Variants in MIR2052HG observed in about 807,000 individuals in gnomAD.
MIR2052HG encodes MIR2052 host gene.
chr8:74,714,783 C>T (rs1462506661), intron 4 of MIR2052HG, among the ~76,000 whole-genome samples: 1 of 149,298 alleles, frequency 6.7e-6, no homozygotes, highest in Admixed American at 6.7e-5. Context: ...CGGCTCGCTG[C>T]AACCTCTCCC....
intron 5 of MIR2052HG, chr8:74,757,764 G>A (rs991863935): frequency 2.0e-5 from 3 of 152,084 alleles, no homozygotes; most frequent in Non-Finnish European, 4.4e-5. Context: ...TTTTCGTGAT[G>A]CCTACTCCTT....
At chr8:74,701,483 T>C (rs529371513) in intron 2 of MIR2052HG, among the ~76,000 whole-genome samples, 1 of 152,142 alleles carries the variant, frequency 6.6e-6, no homozygotes, top group African/African-American at 2.4e-5. Flanking sequence ...ATATGACCTA[T>C]GCTCAGCCAA....
chr8:74,685,572 A>G (rs951824250), intron 2 of MIR2052HG, among the ~76,000 whole-genome samples: 1 of 152,078 alleles, frequency 6.6e-6, no homozygotes, highest in Non-Finnish European at 1.5e-5. Flanking sequence ...TAACTTTTCA[A>G]TTCTTTGTCA....
At chr8:74,722,753 C>T (rs1017617521) in intron 4 of MIR2052HG, among the ~76,000 whole-genome samples, 1 of 152,278 alleles carries the variant, frequency 6.6e-6, no homozygotes. Flanking sequence ...ATGGTTATCT[C>T]ATTTAATTTT....
intron 2 of MIR2052HG, among the ~76,000 whole-genome samples, chr8:74,623,401 A>G (rs1563515704): frequency 6.6e-6 from 1 of 152,252 alleles, no homozygotes; most frequent in Non-Finnish European, 1.5e-5. Context: ...TCAATGTAAC[A>G]GAAGATGTAC....
intron 5 of MIR2052HG, among the ~76,000 whole-genome samples, chr8:74,754,317 T>C (rs1809977786): frequency 6.6e-6 from 1 of 152,234 alleles, no homozygotes; most frequent in Admixed American, 6.5e-5. Flanking sequence ...ATTACCACTT[T>C]AGAAAACTTT....
intron 3 of MIR2052HG, among the ~76,000 whole-genome samples, chr8:74,702,693 A>C (rs148719298): frequency 4.7e-4 from 71 of 152,266 alleles, no homozygotes; most frequent in African/African-American, 1.7e-3. Context: ...GATATTCTGA[A>C]GTACCAAGAA....
intron 4 of MIR2052HG, among the ~76,000 whole-genome samples, chr8:74,743,070 A>C (rs1221504439): frequency 1.3e-5 from 2 of 152,118 alleles, no homozygotes; most frequent in Non-Finnish European, 2.9e-5. Flanking sequence ...TCAAAAAAAC[A>C]AACAAAAAAA....
chr8:74,712,660 A>C (rs1170310617), intron 4 of MIR2052HG, among the ~76,000 whole-genome samples: 1 of 151,310 alleles, frequency 6.6e-6, no homozygotes, highest in Admixed American at 6.6e-5. Flanking sequence ...CTACTGCTCA[A>C]AGGTTGGCCT....
chr8:74,628,346 T>C (rs774970741), intron 2 of MIR2052HG, among the ~76,000 whole-genome samples: 1 of 151,830 alleles, frequency 6.6e-6, no homozygotes, highest in Non-Finnish European at 1.5e-5. Context: ...CCTCGAGAAA[T>C]GAGAGGAAGA....
chr8:74,714,171 G>C (rs1809497815), intron 4 of MIR2052HG, among the ~76,000 whole-genome samples: 1 of 152,260 alleles, frequency 6.6e-6, no homozygotes, highest in African/African-American at 2.4e-5. Context: ...ATGAGTCTTT[G>C]ACTGGAAAGC....
chr8:74,752,644 A>G, intron 5 of MIR2052HG: 1 of 333,414 alleles, frequency 3.0e-6, no homozygotes. Flanking sequence ...TCTTTGTTGA[A>G]TTTTTAAAGA....
At chr8:74,653,103 A>G (rs532749473) in intron 2 of MIR2052HG, among the ~76,000 whole-genome samples, 2 of 152,294 alleles carry the variant, frequency 1.3e-5, no homozygotes, top group East Asian at 3.9e-4. Flanking sequence ...TCACAAACAC[A>G]AATGCTGGCC....
At chr8:74,728,153 C>T (rs973601849) in intron 4 of MIR2052HG, among the ~76,000 whole-genome samples, 5 of 152,174 alleles carry the variant, frequency 3.3e-5, no homozygotes, top group Admixed American at 2.6e-4. Context: ...AATGTAATTA[C>T]TGTTTATTTG....
rs138662198 is a variant in MIR2052HG, at chr8:74,606,668, C to G, written n.129-6185C>G. On this transcript the variant is annotated intron_variant and non_coding_transcript_variant, in intron 1 of 6. Coordinates refer to ENST00000523442, the Ensembl canonical transcript of MIR2052HG. ...GACACGTACAGGGGAATGATAGACA[C>G]TGGGGCCTACCCGAGTGTAGAGGGT... Among the ~76,000 whole-genome samples, 136 of 152,200 alleles carry G rather than the reference C, an allele frequency of 8.9e-4. 2 individuals are homozygous for G. Among genetic ancestry groups the G allele is most frequent in the African/African-American group, 3.1e-3 (128 of 41,506 alleles).
intron 4 of MIR2052HG, among the ~76,000 whole-genome samples, chr8:74,739,588 T>C (rs1809805282): frequency 1.3e-5 from 2 of 152,126 alleles, no homozygotes; most frequent in African/African-American, 4.8e-5. Flanking sequence ...CATGTAAATA[T>C]AGTTGTAGTA....
intron 4 of MIR2052HG, among the ~76,000 whole-genome samples, chr8:74,731,801 T>C (rs1809694845): frequency 6.6e-6 from 1 of 151,956 alleles, no homozygotes; most frequent in Non-Finnish European, 1.5e-5. Context: ...TTACTGGGGG[T>C]CCTGTCTTTT....
At chr8:74,693,332 G>T (rs1809258716) in intron 2 of MIR2052HG, among the ~76,000 whole-genome samples, 1 of 152,162 alleles carries the variant, frequency 6.6e-6, no homozygotes. Context: ...CTTGGAGAGA[G>T]CTGCCAGTGG....
chr8:74,636,066 T>C (rs1180108320), intron 2 of MIR2052HG, among the ~76,000 whole-genome samples: 3 of 152,314 alleles, frequency 2.0e-5, no homozygotes, highest in Admixed American at 6.5e-5. Flanking sequence ...ATGTCCTCAG[T>C]TGCCTCTATT....
Sources: gnomAD v4.1 joint callset for allele counts (sites outside exome capture counted in the v4.1 genomes callset) on GRCh38, gnomAD v4.1.1 for gene constraint, MANE v1.5 for transcripts, NCBI Gene and HGNC (gene_info 2026-07-23, HGNC 2026-07-21) for gene names.